Variants in KIAA1217 observed in about 807,000 individuals in gnomAD.
The protein encoded by KIAA1217 is KIAA1217, also known as sickle tail protein homolog.
Under a neutral mutation model 163.9 loss-of-function variants are expected in KIAA1217, and 88 were observed. The ratio of observed to expected loss-of-function variants is 0.54; its 90% confidence interval spans 0.45 to 0.64. The LOEUF (loss-of-function observed/expected upper bound fraction) is 0.64. Ranked by LOEUF, KIAA1217 falls within the 30% of genes least tolerant of loss-of-function variation. The pLI is 0.00. For missense variants in KIAA1217, 2,372 were observed against 2,475.0 expected (o/e 0.96, Z 0.88); for synonymous variants, 903 against 923.1 (o/e 0.98, Z 0.39).
At chr10:23,969,387 G>A (rs1191053213) in intron 1 of KIAA1217, among the ~76,000 whole-genome samples, 1 of 152,104 alleles carries the variant, frequency 6.6e-6, no homozygotes, top group African/African-American at 2.4e-5. Context: ...TTTCAAATTG[G>A]CTGTACCATC....
intron 1 of KIAA1217, among the ~76,000 whole-genome samples, chr10:23,781,162 T>C (rs1835240718): frequency 6.6e-6 from 1 of 152,246 alleles, no homozygotes; most frequent in East Asian, 1.9e-4. Context: ...AGTTCTGTTT[T>C]TAACTTTTTG....
At chr10:23,871,690 G>C (rs1055383168) in intron 1 of KIAA1217, among the ~76,000 whole-genome samples, 3 of 152,066 alleles carry the variant, frequency 2.0e-5, no homozygotes, top group African/African-American at 7.2e-5. Context: ...TTCTAAGTAT[G>C]GGGGTTTGAA....
chr10:24,097,185 T>A (rs2062198521), intron 2 of KIAA1217, among the ~76,000 whole-genome samples: 2 of 152,024 alleles, frequency 1.3e-5, no homozygotes, highest in Admixed American at 1.3e-4. Flanking sequence ...ATGGTGACAA[T>A]AGGAAGAGGA....
chr10:24,398,760 A>T (rs1192182033), intron 3 of KIAA1217, among the ~76,000 whole-genome samples: 2 of 152,156 alleles, frequency 1.3e-5, no homozygotes, highest in Non-Finnish European at 2.9e-5. Flanking sequence ...CTGCAGTTGT[A>T]CACATGCCCA....
intron 2 of KIAA1217, among the ~76,000 whole-genome samples, chr10:24,265,598 C>A (rs551288519): frequency 2.0e-5 from 3 of 152,250 alleles, no homozygotes; most frequent in East Asian, 3.9e-4. Flanking sequence ...CTGTCTTCTT[C>A]CTCTCTTAAT....
chr10:23,846,709 A>G (rs1425968545), intron 1 of KIAA1217, among the ~76,000 whole-genome samples: 1 of 152,118 alleles, frequency 6.6e-6, no homozygotes, highest in Non-Finnish European at 1.5e-5. Flanking sequence ...CTCTCTTCCT[A>G]TTTGAATACG....
intron 2 of KIAA1217, among the ~76,000 whole-genome samples, chr10:24,359,517 T>C (rs1246928370): frequency 2.0e-5 from 3 of 152,230 alleles, no homozygotes; most frequent in Admixed American, 2.0e-4. Context: ...AATATAAACA[T>C]CATTATTACT....
intron 2 of KIAA1217, among the ~76,000 whole-genome samples, chr10:24,280,261 T>G (rs996460674): frequency 1.3e-5 from 2 of 152,210 alleles, no homozygotes; most frequent in African/African-American, 4.8e-5. Context: ...TCACCAGATT[T>G]GGCAAGGAAT....
At chr10:24,254,123 A>C (rs1238677555) in intron 2 of KIAA1217, among the ~76,000 whole-genome samples, 2 of 152,158 alleles carry the variant, frequency 1.3e-5, no homozygotes, top group Non-Finnish European at 2.9e-5. Context: ...AATTATATTG[A>C]AAGATGCTGA....
chr10:24,307,959 G>T (rs1026661202), intron 2 of KIAA1217, among the ~76,000 whole-genome samples: 1 of 152,214 alleles, frequency 6.6e-6, no homozygotes, highest in African/African-American at 2.4e-5. Flanking sequence ...GAGTCATGGG[G>T]TCTCTGCCTG....
intron 14 of KIAA1217, among the ~76,000 whole-genome samples, chr10:24,530,099 A>G (rs527277818): frequency 6.6e-6 from 1 of 152,132 alleles, no homozygotes; most frequent in African/African-American, 2.4e-5. Context: ...CCAGCTCATC[A>G]CATTTTTATC....
chr10:24,028,555 C>T (rs1189232093), intron 2 of KIAA1217, among the ~76,000 whole-genome samples: 2 of 152,030 alleles, frequency 1.3e-5, no homozygotes, highest in Non-Finnish European at 1.5e-5. Flanking sequence ...ATAAAAGAAT[C>T]ATTCAAATTA....
At chr10:23,940,624 C>T (rs1306903746) in intron 1 of KIAA1217, among the ~76,000 whole-genome samples, 1 of 152,080 alleles carries the variant, frequency 6.6e-6, no homozygotes, top group Non-Finnish European at 1.5e-5. Flanking sequence ...TTTCCCAAAA[C>T]AGAATATGCA....
intron 2 of KIAA1217, among the ~76,000 whole-genome samples, chr10:24,087,809 A>G (rs1006435900): frequency 6.6e-6 from 1 of 152,208 alleles, no homozygotes; most frequent in Non-Finnish European, 1.5e-5. Context: ...TTCCACACTT[A>G]TGCATTCTAA....
rs954534452 is a variant in KIAA1217, at chr10:24,521,421, C to T, written c.2309-361C>T. Among the ~76,000 whole-genome samples, 12 of 151,846 alleles carry T rather than the reference C, an allele frequency of 7.9e-5. No individual in the cohort carries two copies. The East Asian group carries it at 1.2e-3, about 15-fold the overall frequency. On this transcript the variant is annotated intron_variant, in intron 11 of 20. Coordinates refer to ENST00000376454, the MANE Select transcript of KIAA1217 (RefSeq NM_019590.5). ...ATCCAGGAAGCTGAGGCAGGAGGAT[C>T]GCTTGAGCCCAGGTGTTTGAGGCTC...
chr10:23,857,103 C>T lies in KIAA1217; in HGVS notation c.-320-150122C>T, dbSNP rs1237928082. On this transcript the variant is annotated intron_variant, in intron 1 of 18. Transcript: ENST00000376462. ...TGCAGAAATCACCCGTCTTCTGTGT[C>T]GCTCAGGCTGGGAGCTGTAGACTGG... Among the ~76,000 whole-genome samples, 4 of 152,250 alleles carry T rather than the reference C, an allele frequency of 2.6e-5. No individual in the cohort carries two copies. The South Asian group carries it at 6.2e-4, about 24-fold the overall frequency.
chr10:24,182,839 T>C (rs2066244990), intron 2 of KIAA1217, among the ~76,000 whole-genome samples: 1 of 152,132 alleles, frequency 6.6e-6, no homozygotes, highest in Admixed American at 6.5e-5. Flanking sequence ...CAAGAATCAG[T>C]TGGTCTTTGA....
chr10:24,259,862 C>T (rs539256479), intron 2 of KIAA1217, among the ~76,000 whole-genome samples: 1 of 152,292 alleles, frequency 6.6e-6, no homozygotes, highest in East Asian at 1.9e-4. Flanking sequence ...CTTCCTTCCT[C>T]CTCCCCACTG....
chr10:24,249,295 A>G (rs1353680175), intron 2 of KIAA1217, among the ~76,000 whole-genome samples: 2 of 152,212 alleles, frequency 1.3e-5, no homozygotes, highest in Non-Finnish European at 2.9e-5. Flanking sequence ...TATGTCTGAC[A>G]TTAGTTGGTT....
Sources: allele counts gnomAD v4.1 joint callset (sites outside exome capture counted in the v4.1 genomes callset), GRCh38; gene constraint gnomAD v4.1.1; transcripts MANE v1.5; gene names NCBI Gene and HGNC (gene_info 2026-07-23, HGNC 2026-07-21).